RIF1: variants seen among roughly 807,000 people sequenced by gnomAD.
RIF1 encodes telomere-associated protein RIF1.
Under a neutral mutation model 247.1 loss-of-function variants are expected in RIF1, and 45 were observed. The ratio of observed to expected loss-of-function variants is 0.18; its 90% CI spans 0.14 to 0.23. The LOEUF is 0.23. Ranked by LOEUF, RIF1 falls within the 10% of genes least tolerant of loss-of-function variation. RIF1 has a pLI of 1.00. For missense variants in RIF1, 2,967 were observed against 2,862.5 expected (o/e 1.04, Z -0.83); for synonymous variants, 1,087 against 978.8 (o/e 1.11, Z -2.06).
At position 151,422,996 on chromosome 2, in the gene RIF1, C is replaced by A; in HGVS notation, c.740C>A (p.Thr247Asn). ...AAGCTATTTATGAGTAAAAATGAGACTTACGTGTTAAAATTATGGCCTTTG... is the reference window on the plus strand; with the variant it reads ...AAGCTATTTATGAGTAAAAATGAGAATTACGTGTTAAAATTATGGCCTTTG... ...LQKLFMSKNE[T>N]YVLKLWPLFV... Residue 247 changes from threonine (T) to asparagine (N), a missense_variant, in exon 8 of 36, where the codon ACT (threonine) becomes AAT (asparagine). Thr to Asn is a moderately conservative substitution (Grantham distance 65). Around this residue, in one of 7 missense-constraint regions of RIF1, gnomAD observed 269 missense variants for 288.6 expected, o/e 0.93. Transcript: ENST00000444746. 6.3e-7 allele frequency: 1 copy of A among 1,599,838 alleles called. No homozygotes were observed. The highest frequency in any genetic ancestry group is 8.6e-7 in the Non-Finnish European group (1 of 1,169,218).
chr2:151,500,415 G>GA (rs1164494782), intron 11 of RIF1, among the ~76,000 whole-genome samples: 2 of 102,142 alleles, frequency 2.0e-5, no homozygotes, highest in African/African-American at 6.6e-5. Context: ...CTTCAGAGTT[G>GA]TATATAATAC....
intron 3 of RIF1, 22 bp downstream of exon 3, chr2:151,411,360 A>C: frequency 7.0e-7 from 1 of 1,433,800 alleles, no homozygotes; most frequent in Non-Finnish European, 9.6e-7. Flanking sequence ...TTTGTTAAAC[A>C]GTTTTTCACT....
At chr2:151,526,851 T>G in the RIF1 span, 1 of 1,137,988 alleles carries the variant, frequency 8.8e-7, no homozygotes, top group Non-Finnish European at 1.3e-6. Context: ...CTGGTGTCCC[T>G]GGGGACTGTA....
Position 151,466,724 on chromosome 2 carries a change from TAAAA to T in RIF1, c.6600+608_6600+611del, listed in dbSNP as rs371718402. ...GCACATAGTTTGTTGAATGAATGAA[TAAAA>T]AAATAGGAAAAGTTAAATGTATTTA... On this transcript the variant is annotated intron_variant, in intron 30 of 35. Transcript: ENST00000444746. Among the ~76,000 whole-genome samples, 245 of 152,274 alleles carry T rather than the reference TAAAA, an allele frequency of 1.6e-3. 2 individuals are homozygous for T. In the South Asian group the frequency reaches 0.029, roughly 18 times the overall value.
intron 3 of RIF1, among the ~76,000 whole-genome samples, chr2:151,412,472 C>T (rs1259743221): frequency 6.6e-6 from 1 of 152,034 alleles, no homozygotes; most frequent in Non-Finnish European, 1.5e-5. Flanking sequence ...AAGTAGGTGC[C>T]ACCATGCCCA....
At chr2:151,518,344 T>G in the RIF1 span, 4 of 1,610,094 alleles carry the variant, frequency 2.5e-6, no homozygotes, top group African/African-American at 2.7e-5. Flanking sequence ...GTGGCCTCTT[T>G]TAGGTGAAGC....
intron 12 of RIF1, among the ~76,000 whole-genome samples, chr2:151,505,031 A>G (rs1410305416): frequency 2.0e-5 from 3 of 152,170 alleles, no homozygotes; most frequent in Non-Finnish European, 2.9e-5. Context: ...TGGGAATCCT[A>G]TCATTCATAT....
At chr2:151,523,241 T>C in the RIF1 span, among the ~76,000 whole-genome samples, 2 of 152,206 alleles carry the variant, frequency 1.3e-5, no homozygotes, top group Middle Eastern at 3.2e-3. Flanking sequence ...CATTAATTTA[T>C]AATAAAATAT....
intron 18 of RIF1, among the ~76,000 whole-genome samples, chr2:151,444,321 T>G (rs1692863549): frequency 6.6e-6 from 1 of 152,316 alleles, no homozygotes; most frequent in Middle Eastern, 3.4e-3. Context: ...TTGTTTTTGT[T>G]GTTGTTGAGT....
At chr2:151,449,018 T>G (rs1187528171) in intron 20 of RIF1, among the ~76,000 whole-genome samples, 1 of 152,218 alleles carries the variant, frequency 6.6e-6, no homozygotes, top group Non-Finnish European at 1.5e-5. Context: ...GGAAAAGAAT[T>G]TACGTCTTTC....
rs1288661646 is a variant in RIF1 at position 151,480,119 on chromosome 2, G to A, written c.*5048G>A. The A allele has an allele frequency of 6.6e-6, 1 of 152,074 alleles. No individual in the cohort carries two copies. The highest frequency in any genetic ancestry group is 1.9e-4 in the East Asian group (1 of 5,202). The allele number at this position is 152,074 out of a possible 1,614,324, so 9.4% of individuals were successfully genotyped here. A position where few individuals can be genotyped will look rare whatever the true frequency, so the allele number is the denominator to read the frequency against. ...TAAGCCTTCCTTTCTCCAAAGAACA[G>A]TTAAAACCAAATGTGTTATGGTAAG... On this transcript the variant is annotated 3_prime_UTR_variant, in exon 36 of 36. Coordinates refer to ENST00000444746, the MANE Select transcript of RIF1 (RefSeq NM_018151.5).
intron 21 of RIF1, among the ~76,000 whole-genome samples, chr2:151,451,928 T>G (rs1368412079): frequency 6.6e-6 from 1 of 152,162 alleles, no homozygotes; most frequent in Non-Finnish European, 1.5e-5. Flanking sequence ...CACACAAAAT[T>G]TCTTTACTCC....
chr2:151,440,179 AT>A, intron 15 of RIF1, 52 bp downstream of exon 15: 1 of 966,426 alleles, frequency 1.0e-6, no homozygotes, highest in Admixed American at 2.3e-5. Context: ...CTGAAGTTAA[AT>A]TTTATATAGA....
chr2:151,425,055 T>C (rs942439133), intron 8 of RIF1, among the ~76,000 whole-genome samples: 1 of 152,038 alleles, frequency 6.6e-6, no homozygotes, highest in East Asian at 1.9e-4. Flanking sequence ...TTCCATAATA[T>C]CCTCACCAAC....
chr2:151,441,685 T>G (rs571857323), intron 15 of RIF1, among the ~76,000 whole-genome samples: 83 of 152,340 alleles, frequency 5.4e-4, no homozygotes, highest in African/African-American at 1.9e-3. Flanking sequence ...GATTAAAGAC[T>G]TTACCTGCTT....
At chr2:151,494,641 T>G (rs894265731) in intron 9 of RIF1, among the ~76,000 whole-genome samples, 17 of 151,970 alleles carry the variant, frequency 1.1e-4, no homozygotes, top group African/African-American at 3.9e-4. Context: ...TTGTTTTTTT[T>G]TGTTTTGTTT....
At chr2:151,518,369 G>A in the RIF1 span, 7 of 1,612,298 alleles carry the variant, frequency 4.3e-6, no homozygotes, top group Middle Eastern at 1.6e-4. Flanking sequence ...CCAGATTATC[G>A]GGTATGGTGT....
At chr2:151,486,066 C>G, downstream of RIF1, 1 of 915,456 alleles carries the variant, frequency 1.1e-6, no homozygotes, top group East Asian at 2.7e-5. Context: ...CAAGCATCAA[C>G]AAAGTAAAAG....
At chr2:151,514,824 T>A in the RIF1 span, 1 of 1,569,052 alleles carries the variant, frequency 6.4e-7, no homozygotes, top group Non-Finnish European at 8.7e-7. Context: ...CTACCTCGCT[T>A]GCTATTTTAG....
Sources: allele counts gnomAD v4.1 joint callset (sites outside exome capture counted in the v4.1 genomes callset), GRCh38; gene constraint gnomAD v4.1.1; regional missense constraint gnomAD v4.1.1; transcripts MANE v1.5; gene names NCBI Gene and HGNC (gene_info 2026-07-23, HGNC 2026-07-21).